Variants in CSTPP1 observed in about 807,000 individuals in gnomAD.
CSTPP1 encodes the protein centriolar satellite-associated tubulin polyglutamylase complex regulator 1.
At chr11:46,962,179 G>T in the CSTPP1 span, among the ~76,000 whole-genome samples, 1 of 152,198 alleles carries the variant, frequency 6.6e-6, no homozygotes, top group Admixed American at 6.5e-5. Context: ...TACAGTTCAA[G>T]ATGAGATTTG....
At chr11:47,077,727 G>T in the CSTPP1 span, among the ~76,000 whole-genome samples, 6 of 152,298 alleles carry the variant, frequency 3.9e-5, no homozygotes, top group African/African-American at 1.2e-4. Flanking sequence ...AAGACAGCTA[G>T]AAAGCAATTC....
chr11:46,951,770 T>C, the CSTPP1 span, among the ~76,000 whole-genome samples: 1 of 152,190 alleles, frequency 6.6e-6, no homozygotes, highest in Non-Finnish European at 1.5e-5. Flanking sequence ...TTTCCATTTA[T>C]ATAGATAGCA....
At chr11:47,047,981 C>T in the CSTPP1 span, among the ~76,000 whole-genome samples, 1 of 152,176 alleles carries the variant, frequency 6.6e-6, no homozygotes. Flanking sequence ...TCTAGGTTGG[C>T]TGTTTTTTAA....
At chr11:47,134,609 G>GC in the CSTPP1 span, among the ~76,000 whole-genome samples, 2 of 152,182 alleles carry the variant, frequency 1.3e-5, no homozygotes, top group African/African-American at 4.8e-5. Flanking sequence ...AGTTCTAAGA[G>GC]CCAAAGGGCC....
the CSTPP1 span, among the ~76,000 whole-genome samples, chr11:47,163,834 T>C: frequency 6.6e-6 from 1 of 151,898 alleles, no homozygotes; most frequent in Non-Finnish European, 1.5e-5. Flanking sequence ...TTAGTAGAAA[T>C]GGGGTCTCAC....
the CSTPP1 span, among the ~76,000 whole-genome samples, chr11:46,960,173 A>AT: frequency 6.6e-6 from 1 of 152,092 alleles, no homozygotes; most frequent in Non-Finnish European, 1.5e-5. Context: ...GGCCTAAATA[A>AT]TTTTTTGAAA....
the CSTPP1 span, among the ~76,000 whole-genome samples, chr11:47,158,482 G>A: frequency 2.0e-5 from 3 of 152,050 alleles, no homozygotes; most frequent in Non-Finnish European, 4.4e-5. Flanking sequence ...CACAGCCACT[G>A]CTCTCCTAAG....
chr11:46,937,713 A>G, the CSTPP1 span, among the ~76,000 whole-genome samples: 1 of 151,754 alleles, frequency 6.6e-6, no homozygotes. Context: ...ACTTTTTTGT[A>G]TACTTAATAG....
the CSTPP1 span, chr11:46,987,323 A>ATACAC: frequency 1.1e-5 from 17 of 1,596,752 alleles, no homozygotes; most frequent in Non-Finnish European, 1.5e-5. Flanking sequence ...AAGTACATGA[A>ATACAC]TGTTGTACTA....
chr11:47,054,502 G>T, the CSTPP1 span, among the ~76,000 whole-genome samples: 2 of 151,848 alleles, frequency 1.3e-5, no homozygotes, highest in Non-Finnish European at 2.9e-5. Context: ...TTGTAGAGAC[G>T]GGGTTTTGCT....
chr11:47,070,898 T>C, the CSTPP1 span, among the ~76,000 whole-genome samples: 4 of 152,202 alleles, frequency 2.6e-5, no homozygotes, highest in African/African-American at 7.2e-5. Flanking sequence ...CTCCTACTTA[T>C]AGACTATACT....
chr11:47,162,147 A>T, the CSTPP1 span: 5 of 985,764 alleles, frequency 5.1e-6, no homozygotes, highest in African/African-American at 5.2e-5. Flanking sequence ...GTGGGCCAGA[A>T]GATGATTTCA....
At chr11:47,007,319 C>T in the CSTPP1 span, among the ~76,000 whole-genome samples, 421 of 152,268 alleles carry the variant, frequency 2.8e-3, 3 homozygotes, top group African/African-American at 9.4e-3. Context: ...TCATGAGCCA[C>T]CATGCCCAGC....
At chr11:47,001,347 G>A in the CSTPP1 span, among the ~76,000 whole-genome samples, 1 of 152,092 alleles carries the variant, frequency 6.6e-6, no homozygotes, top group Non-Finnish European at 1.5e-5. Context: ...GTATAAATAT[G>A]GAGATGGAAA....
chr11:47,076,364 A>G, the CSTPP1 span, among the ~76,000 whole-genome samples: 2 of 152,214 alleles, frequency 1.3e-5, no homozygotes, highest in African/African-American at 2.4e-5. Flanking sequence ...GGAGTTGCAC[A>G]ATGAAATGAC....
At chr11:46,969,881 C>G in the CSTPP1 span, among the ~76,000 whole-genome samples, 1 of 152,164 alleles carries the variant, frequency 6.6e-6, no homozygotes, top group African/African-American at 2.4e-5. Context: ...TCTCATGCCT[C>G]AGCCTCCCAA....
chr11:47,038,318 C>T, the CSTPP1 span, among the ~76,000 whole-genome samples: 1 of 100,084 alleles, frequency 1.0e-5, no homozygotes, highest in Non-Finnish European at 2.3e-5. Flanking sequence ...GGCGGCTGGC[C>T]GGGCGGGGGG....
chr11:46,985,728 G>A, the CSTPP1 span, among the ~76,000 whole-genome samples: 37 of 152,242 alleles, frequency 2.4e-4, no homozygotes, highest in Non-Finnish European at 4.6e-4. Context: ...TATCAATCAC[G>A]TACTATGTAC....
At chr11:47,097,617 T>C in the CSTPP1 span, among the ~76,000 whole-genome samples, 2 of 94,794 alleles carry the variant, frequency 2.1e-5, no homozygotes, top group African/African-American at 4.1e-5. Context: ...AGCCGCCCCG[T>C]CCGGGAGGGA....
Sources: gnomAD v4.1 joint callset for allele counts (sites outside exome capture counted in the v4.1 genomes callset) on GRCh38, gnomAD v4.1.1 for gene constraint, MANE v1.5 for transcripts, NCBI Gene and HGNC (gene_info 2026-07-23, HGNC 2026-07-21) for gene names.